C11orf42: variants seen among roughly 807,000 people sequenced by gnomAD.
C11orf42 encodes uncharacterized protein C11orf42.
In C11orf42, 24 loss-of-function variants were observed where a neutral mutation model predicts 27.9. That is an observed-to-expected ratio of 0.86 (90% CI 0.62 to 1.21). C11orf42 has a LOEUF of 1.21. C11orf42 is among the 50% of genes most tolerant of loss of function. C11orf42 has a pLI of 0.00. For synonymous variants in C11orf42, 187 were observed against 180.8 expected, an observed-to-expected ratio of 1.03 and a Z score of -0.28; for missense variants, 455 against 424.1, an observed-to-expected ratio of 1.07 and a Z score of -0.64.
In C11orf42 at chr11:6,206,992, T is replaced by C. The variant is rs79550516; in HGVS notation, c.72+1305T>C. On this transcript the variant is annotated intron_variant, in intron 1 of 2. Transcript: ENST00000316375. ...TTTACTGAACATATGGTAAAAACAT[T>C]TGGCTAAACAGAATGTGGCTCAAGA... Among the ~76,000 whole-genome samples, 922 of 152,248 alleles carry C rather than the reference T, an allele frequency of 6.1e-3. 10 individuals carry two copies. Among genetic ancestry groups the C allele is most frequent in the African/African-American group, 0.021 (875 of 41,548 alleles).
In C11orf42 at chr11:6,210,790, G is replaced by C. The variant is rs1010702991; in HGVS notation, c.872-122G>C. ...AGATGGAATGAGGGAGACTGGGGAG[G>C]GTGAGATGGAATGAGGAGGCCCTAG... On this transcript the variant is annotated intron_variant, in intron 2 of 2. Transcript: ENST00000316375. The surrounding 1 kb of genome is among the most constrained non-coding windows in gnomAD (Gnocchi z 4.0). 10 of 1,395,738 alleles carry C rather than the reference G, an allele frequency of 7.2e-6. No individual in the cohort carries two copies. The highest frequency in any genetic ancestry group is 9.7e-6 in the Non-Finnish European group (10 of 1,035,486). The allele number at this position is 1,395,738 out of a possible 1,614,324, so 86.5% of individuals were successfully genotyped here.
rs755505300 is a variant in C11orf42 at position 6,205,726 on chromosome 11, T to C, written c.72+39T>C. The C allele has an allele frequency of 8.4e-6, 13 of 1,550,230 alleles. No homozygotes were observed. In the South Asian group the frequency reaches 1.3e-4, roughly 16 times the overall value. On this transcript the variant is annotated intron_variant, in intron 1 of 2. Transcript: ENST00000316375. ...GGAGGCTAAAGAGGAAGCAACGAAG[T>C]GTGACCTGCATGGGTCTCAGCAGCT...
intron 1 of C11orf42, 73 bp from the exon 2 acceptor site, chr11:6,209,777 G>C: frequency 7.1e-7 from 1 of 1,412,680 alleles, no homozygotes; most frequent in Non-Finnish European, 9.6e-7. Context: ...CGTGAACCTG[G>C]GGGTCAATTT....
rs768302385 is a variant in C11orf42, at chr11:6,210,413, G to T, written c.636G>T (p.Lys212Asn). 1.9e-6 allele frequency: 3 copies of T among 1,614,058 alleles called. No homozygotes were observed. The highest frequency in any genetic ancestry group is 2.5e-6 in the Non-Finnish European group (3 of 1,180,040). ...LQSKGVLGPQKPLTKDPLPHG... is the reference protein window; with the variant it reads ...LQSKGVLGPQNPLTKDPLPHG... ...CTAAGGGCGTGCTGGGACCACAGAA[G>T]CCTCTCACTAAAGACCCATTGCCCC... Residue 212 changes from lysine to asparagine, a missense_variant, in exon 2 of 3, where the codon AAG becomes AAT. Lys to Asn is a moderately conservative substitution (Grantham distance 94). Transcript: ENST00000316375. This position sits in a 1 kb window ranked among gnomAD's most constrained non-coding sequence, Gnocchi z 4.0.
intron 1 of C11orf42, among the ~76,000 whole-genome samples, chr11:6,207,207 C>T (rs1406772917): frequency 6.6e-6 from 1 of 152,176 alleles, no homozygotes; most frequent in Non-Finnish European, 1.5e-5. Context: ...AACACAGTCT[C>T]CCTAACAAAG....
At chr11:6,208,010 A>C (rs1846998383) in intron 1 of C11orf42, among the ~76,000 whole-genome samples, 1 of 152,176 alleles carries the variant, frequency 6.6e-6, no homozygotes, top group Admixed American at 6.5e-5. Context: ...CAAAGAGGAA[A>C]TTCTGTGTGC....
At position 6,211,099 on chromosome 11, in the gene C11orf42, G is replaced by T; in HGVS notation, c.*57G>T. ...CCCAAGATCTGGCATAGGGGTACTG[G>T]TCTCTAATAAACATCAGCTGCTGCT... On this transcript the variant is annotated 3_prime_UTR_variant, in exon 3 of 3. Transcript: ENST00000316375. The T allele has an allele frequency of 6.3e-7, 1 of 1,589,642 alleles. No homozygotes were observed. Among genetic ancestry groups the T allele is most frequent in the Non-Finnish European group, 8.5e-7 (1 of 1,172,888 alleles).
intron 1 of C11orf42, among the ~76,000 whole-genome samples, chr11:6,207,602 G>C (rs948531422): frequency 6.6e-6 from 1 of 152,114 alleles, no homozygotes. Flanking sequence ...CCCTGGAAAC[G>C]CAACTGGTCC....
chr11:6,207,545 C>A (rs1846992691), intron 1 of C11orf42, among the ~76,000 whole-genome samples: 1 of 152,172 alleles, frequency 6.6e-6, no homozygotes, highest in South Asian at 2.1e-4. Flanking sequence ...GGTCATGGGG[C>A]AAAGCATTGC....
Position 6,210,604 on chromosome 11 carries a change from A to C in C11orf42, c.827A>C (p.Tyr276Ser), listed in dbSNP as rs1259366341. 2 of 1,614,046 alleles carry C rather than the reference A, an allele frequency of 1.2e-6. No homozygotes were observed. Among genetic ancestry groups the C allele is most frequent in the African/African-American group, 2.7e-5 (2 of 74,920 alleles). The change falls in exon 2 of 3, where the codon TAC becomes TCC. Residue 276 changes from tyrosine to serine, a missense_variant. Physicochemically the swap from Tyr to Ser is moderately radical, Grantham distance 144. Transcript: ENST00000316375. This position sits in a 1 kb window ranked among gnomAD's most constrained non-coding sequence, Gnocchi z 4.0. ...GAGGACAAACCCACCAGATTCTCCT[A>C]CAAGGGCCGAAACCCCTTCTGGAGG... ...GPEDKPTRFS[Y>S]KGRNPFWRGP...
In C11orf42 at chr11:6,211,122, G is replaced by C; in HGVS notation, c.*80G>C. Reference sequence around the variant, plus strand: ...TGGTCTCTAATAAACATCAGCTGCTGCTCCCCCAAACCATCCTGGGCCCAT... The same window carrying C: ...TGGTCTCTAATAAACATCAGCTGCTCCTCCCCCAAACCATCCTGGGCCCAT... On this transcript the variant is annotated 3_prime_UTR_variant, in exon 3 of 3. Coordinates refer to ENST00000316375, the MANE Select transcript of C11orf42 (RefSeq NM_173525.3). The C allele has an allele frequency of 1.9e-6, 3 of 1,564,494 alleles. No homozygotes were observed. The highest frequency in any genetic ancestry group is 1.7e-6 in the Non-Finnish European group (2 of 1,157,926).
Position 6,210,864 on chromosome 11 carries a change from GA to G in C11orf42, c.872-44del, listed in dbSNP as rs770848672. The G allele has an allele frequency of 4.6e-6, 7 of 1,535,534 alleles. No homozygotes were observed. The highest frequency in any genetic ancestry group is 4.5e-5 in the Admixed American group (2 of 44,680). ...GGACCAGAGGGAAAAGCTAGGGGGGGAAAAGACCAGCCATGAGTCAAGCTGT... is the reference window on the plus strand; with the variant it reads ...GGACCAGAGGGAAAAGCTAGGGGGGGAAAGACCAGCCATGAGTCAAGCTGT... On this transcript the variant is annotated intron_variant, in intron 2 of 2. Coordinates refer to ENST00000316375, the MANE Select transcript of C11orf42 (RefSeq NM_173525.3). The surrounding 1 kb of genome is among the most constrained non-coding windows in gnomAD (Gnocchi z 4.0).
At chr11:6,206,808 C>G (rs960248558) in intron 1 of C11orf42, among the ~76,000 whole-genome samples, 1 of 152,162 alleles carries the variant, frequency 6.6e-6, no homozygotes, top group African/African-American at 2.4e-5. Context: ...GCTATGCCAT[C>G]TCTGAGTATC....
chr11:6,209,176 A>C (rs1223914305), intron 1 of C11orf42, among the ~76,000 whole-genome samples: 1 of 20,092 alleles, frequency 5.0e-5, no homozygotes, highest in Non-Finnish European at 2.4e-4. Context: ...ACCGACTCAA[A>C]AAAAAAAAAA....
chr11:6,209,909 C>A lies in C11orf42; in HGVS notation c.132C>A (p.Ala44=), dbSNP rs756717329. The change falls in exon 2 of 3, where the codon GCC becomes GCA. Residue 44 remains alanine (A), a synonymous_variant. Transcript: ENST00000316375. The part of the protein sequence containing the change: ...AVAVPFLSDA[A]CYDLLGVLVK... ...CAGTACCTTTCCTGTCAGATGCAGC[C>A]TGCTATGACCTACTGGGTGTGCTGG... 1.2e-6 allele frequency: 2 copies of A among 1,602,494 alleles called. No homozygotes were observed. Among genetic ancestry groups the A allele is most frequent in the African/African-American group, 1.3e-5 (1 of 74,734 alleles).
rs1847028687 is a variant in C11orf42 at position 6,209,995 on chromosome 11, C to A, written c.218C>A (p.Ala73Glu). The change falls in exon 2 of 3, where the codon GCA becomes GAA. Residue 73 changes from alanine (A) to glutamate (E), a missense_variant. Transcript: ENST00000316375. ...LALPGRQGRR[A>E]LKPVGPLPSL... is the part of the protein sequence containing the mutation. ...TTGCCAGGTCGGCAGGGCCGGAGGG[C>A]ACTGAAACCAGTGGGGCCACTACCA... 2 of 1,614,084 alleles carry A rather than the reference C, an allele frequency of 1.2e-6. No individual in the cohort carries two copies. The highest frequency in any genetic ancestry group is 1.7e-6 in the Non-Finnish European group (2 of 1,179,896).
chr11:6,210,605 C>T lies in C11orf42; in HGVS notation c.828C>T (p.Tyr276=), dbSNP rs1192369508. Residue 276 remains tyrosine, a synonymous_variant, in exon 2 of 3, where the codon TAC becomes TAT. Coordinates refer to ENST00000316375, the MANE Select transcript of C11orf42 (RefSeq NM_173525.3). The surrounding 1 kb of genome is among the most constrained non-coding windows in gnomAD (Gnocchi z 4.0). ...GPEDKPTRFS[Y]KGRNPFWRGP... ...AGGACAAACCCACCAGATTCTCCTA[C>T]AAGGGCCGAAACCCCTTCTGGAGGG... The T allele has an allele frequency of 1.1e-5, 17 of 1,614,164 alleles. No individual in the cohort carries two copies. The highest frequency in any genetic ancestry group is 1.4e-5 in the Non-Finnish European group (17 of 1,180,036).
At position 6,209,878 on chromosome 11, in the gene C11orf42, C is replaced by A. The variant is rs1217496091; in HGVS notation, c.101C>A (p.Ala34Glu). Residue 34 changes from alanine (A) to glutamate (E), a missense_variant, in exon 2 of 3, where the codon GCA (alanine) becomes GAA (glutamate). Physicochemically the swap from Ala to Glu is moderately radical, Grantham distance 107. Coordinates refer to ENST00000316375, the MANE Select transcript of C11orf42 (RefSeq NM_173525.3). ...ATCGAGGAGCACTTTGGGCCCAATG[C>A]AGTAGCAGTACCTTTCCTGTCAGAT... ...KVIEEHFGPN[A>E]VAVPFLSDAA... 9.4e-6 allele frequency: 15 copies of A among 1,593,842 alleles called. No individual in the cohort carries two copies. The Admixed American group carries it at 2.4e-4, about 25-fold the overall frequency.
chr11:6,210,933 G>T lies in C11orf42; in HGVS notation c.893G>T (p.Arg298Leu), dbSNP rs148637190. ...ILSENWLFSP[R>L]SPPPGAQGGG... ...GCAGAGAACTGGCTCTTCAGCCCCC[G>T]CAGCCCTCCACCAGGAGCCCAGGGT... Residue 298 changes from arginine (R) to leucine (L), a missense_variant, in exon 3 of 3, where the codon CGC becomes CTC. Coordinates refer to ENST00000316375, the MANE Select transcript of C11orf42 (RefSeq NM_173525.3). The surrounding 1 kb of genome is among the most constrained non-coding windows in gnomAD (Gnocchi z 4.0). The T allele has an allele frequency of 1.1e-4, 173 of 1,607,994 alleles. 1 individual carries two copies. In the African/African-American group the frequency reaches 1.9e-3, roughly 18 times the overall value.
Sources: allele counts gnomAD v4.1 joint callset (sites outside exome capture counted in the v4.1 genomes callset), GRCh38; gene constraint gnomAD v4.1.1; non-coding constraint Gnocchi (gnomAD v3.1); transcripts MANE v1.5; gene names NCBI Gene and HGNC (gene_info 2026-07-23, HGNC 2026-07-21).